CARF: variants seen among roughly 807,000 people sequenced by gnomAD.
CARF encodes the protein calcium-responsive transcription factor.
Under a neutral mutation model 82.0 loss-of-function variants are expected in CARF, and 57 were observed. The ratio of observed to expected loss-of-function variants is 0.70; its 90% confidence interval spans 0.56 to 0.87. The LOEUF (loss-of-function observed/expected upper bound fraction) is 0.87, where lower values mean the gene tolerates loss of function less well. Among genes scored for constraint, CARF ranks in the 40% least tolerant of loss-of-function variants. The pLI is 0.00. For synonymous variants in CARF, 268 were observed against 290.1 expected, an observed-to-expected ratio of 0.92 and a Z score of 0.77; for missense variants, 771 against 855.8, an observed-to-expected ratio of 0.90 and a Z score of 1.24.
At chr2:202,932,301 A>G (rs1024251357) in intron 3 of CARF, among the ~76,000 whole-genome samples, 5 of 152,164 alleles carry the variant, frequency 3.3e-5, no homozygotes, top group Admixed American at 1.3e-4. Flanking sequence ...CAAACCTGTT[A>G]TGGCACCTGA....
chr2:202,983,144 C>T (rs2060335558), intron 16 of CARF, among the ~76,000 whole-genome samples: 1 of 152,068 alleles, frequency 6.6e-6, no homozygotes, highest in Non-Finnish European at 1.5e-5. Context: ...GCCTCCCACT[C>T]CTCACGCAGT....
chr2:202,971,784 G>C (rs72928608), intron 12 of CARF, 46 bp downstream of exon 12: 161,767 of 1,459,930 alleles, frequency 0.11, 10,179 homozygotes, highest in Non-Finnish European at 0.13. Context: ...AGTTTTGTTT[G>C]TTGCTTTAAA....
chr2:202,925,235 T>C, intron 3 of CARF: 1 of 366,664 alleles, frequency 2.7e-6, no homozygotes, highest in South Asian at 2.3e-5. Flanking sequence ...AAGAAGGATA[T>C]GAATGTAGCT....
At chr2:202,915,293 G>C (rs1444618625) in intron 1 of CARF, among the ~76,000 whole-genome samples, 1 of 151,896 alleles carries the variant, frequency 6.6e-6, no homozygotes, top group Non-Finnish European at 1.5e-5. Flanking sequence ...GGGATTACAG[G>C]CGTGAGCCAC....
Position 202,942,921 on chromosome 2 carries a change from C to T in CARF, c.260C>T (p.Ala87Val), listed in dbSNP as rs762046856. 1.2e-6 allele frequency: 2 copies of T among 1,614,046 alleles called. No homozygotes were observed. The highest frequency in any genetic ancestry group is 1.6e-4 in the Middle Eastern group (1 of 6,062). Residue 87 changes from alanine (A) to valine (V), a missense_variant, in exon 5 of 17, where the codon GCT becomes GTT. Ala to Val is a moderately conservative substitution (Grantham distance 64). Transcript: ENST00000438828. ...CATCTAGTGGACCAAAATGGGCAGG[C>T]TATTCAATATGAACTTCAGTCATTG... Reference protein sequence around the residue: ...QFHLVDQNGQAIQYELQSLGE... With the variant: ...QFHLVDQNGQVIQYELQSLGE...
chr2:202,972,655 T>G lies in CARF; in HGVS notation c.1331+917T>G, dbSNP rs917419153. On this transcript the variant is annotated intron_variant, in intron 12 of 16. Coordinates refer to ENST00000438828, the MANE Select transcript of CARF (RefSeq NM_024744.17). ...TCGCGCCACTGCACTCTACCCTGGC[T>G]ACAGAGCGAGACTCCGTCTAAAAAA... Among the ~76,000 whole-genome samples the G allele has an allele frequency of 4.1e-5, 5 of 121,028 alleles. No individual in the cohort carries two copies. The Admixed American group carries it at 4.5e-4, about 11-fold the overall frequency. 79.4% of individuals were successfully genotyped at this position (121,028 alleles called of 152,430 possible).
intron 9 of CARF, 137 bp downstream of exon 9, chr2:202,961,563 A>G (rs1175393497): frequency 2.9e-6 from 2 of 701,624 alleles, no homozygotes; most frequent in South Asian, 1.9e-5. Flanking sequence ...TGCATATTAA[A>G]TTGAAAAAAC....
intron 3 of CARF, among the ~76,000 whole-genome samples, chr2:202,933,261 T>C (rs1693288967): frequency 6.6e-6 from 1 of 152,122 alleles, no homozygotes; most frequent in African/African-American, 2.4e-5. Flanking sequence ...CAGTCTTGGC[T>C]TAGCCTCAGG....
chr2:202,915,391 G>A (rs1689444908), intron 1 of CARF, among the ~76,000 whole-genome samples: 1 of 152,096 alleles, frequency 6.6e-6, no homozygotes, highest in Non-Finnish European at 1.5e-5. Flanking sequence ...TGCCTTCCAG[G>A]TTCAAGTGAT....
rs143911817 is a variant in CARF at position 202,952,035 on chromosome 2, G to A, written c.307-524G>A. Among the ~76,000 whole-genome samples, 41 of 152,164 alleles carry A rather than the reference G, an allele frequency of 2.7e-4. 1 individual carries two copies. The East Asian group carries it at 7.9e-3, about 29-fold the overall frequency. On this transcript the variant is annotated intron_variant, in intron 5 of 16. Transcript: ENST00000438828. Reference sequence around the variant, plus strand: ...TTTAGTGGAGACAGGGTTTCACCATGTTGATCAGGCTGGTCTCGAACTCCT... The same window carrying A: ...TTTAGTGGAGACAGGGTTTCACCATATTGATCAGGCTGGTCTCGAACTCCT...
rs190626296 is a variant in CARF, at chr2:202,961,115, G to A, written c.643-122G>A. 5,939 of 758,978 alleles carry A rather than the reference G, an allele frequency of 7.8e-3. 33 individuals carry two copies. Among genetic ancestry groups the A allele is most frequent in the Non-Finnish European group, 9.6e-3 (4,577 of 475,108 alleles). The allele number at this position is 758,978 out of a possible 1,614,324, so 47.0% of individuals were successfully genotyped here. On this transcript the variant is annotated intron_variant, in intron 8 of 16. Coordinates refer to ENST00000438828, the MANE Select transcript of CARF (RefSeq NM_024744.17). ...GATTGTAATAGACCATTGATCTGAGGGCACAAATGACATTCTCTTGTGAAA... is the reference window on the plus strand; with the variant it reads ...GATTGTAATAGACCATTGATCTGAGAGCACAAATGACATTCTCTTGTGAAA...
chr2:202,954,707 A>G (rs1397407680), intron 7 of CARF, among the ~76,000 whole-genome samples: 2 of 130,894 alleles, frequency 1.5e-5, no homozygotes, highest in Admixed American at 7.9e-5. Context: ...GCGAGACATC[A>G]TTTAAAAAAA....
At position 202,952,875 on chromosome 2, in the gene CARF, A is replaced by G. The variant is rs1268253602; in HGVS notation, c.427+196A>G. On this transcript the variant is annotated intron_variant, in intron 6 of 16. Coordinates refer to ENST00000438828, the MANE Select transcript of CARF (RefSeq NM_024744.17). ...AACTCCTGTCTAGGTTAGCTATTTC[A>G]TTTAAGAATTCTATGAAGCTGATTG... is the stretch of plus-strand genomic sequence containing the variant. Among the ~76,000 whole-genome samples, 3 of 152,136 alleles carry G rather than the reference A, an allele frequency of 2.0e-5. No individual in the cohort carries two copies. The East Asian group carries it at 5.8e-4, about 29-fold the overall frequency.
Position 202,970,144 on chromosome 2 carries a change from T to C in CARF, c.1097+82T>C. 2.4e-6 allele frequency: 3 copies of C among 1,237,458 alleles called. No individual in the cohort carries two copies. The Admixed American group carries it at 8.9e-5, about 37-fold the overall frequency. 76.7% of individuals were successfully genotyped at this position (1,237,458 alleles called of 1,614,324 possible). A position where few individuals can be genotyped will look rare whatever the true frequency, so the allele number is the denominator to read the frequency against. On this transcript the variant is annotated intron_variant, in intron 11 of 16. Transcript: ENST00000438828. ...ATTATTTTGTAAGGGAAATTATAGTTTTCCAACTATTTCATTAAGTAACGG... is the reference window on the plus strand; with the variant it reads ...ATTATTTTGTAAGGGAAATTATAGTCTTCCAACTATTTCATTAAGTAACGG...
At chr2:202,939,833 C>A (rs952351810) in intron 3 of CARF, among the ~76,000 whole-genome samples, 5 of 151,320 alleles carry the variant, frequency 3.3e-5, no homozygotes, top group Admixed American at 1.3e-4. Flanking sequence ...GGACTGCAGA[C>A]CCACACCACC....
intron 11 of CARF, among the ~76,000 whole-genome samples, chr2:202,971,242 C>T (rs1481082273): frequency 6.6e-6 from 1 of 151,974 alleles, no homozygotes; most frequent in Non-Finnish European, 1.5e-5. Flanking sequence ...CTGTATCTCC[C>T]TCAACTGTAG....
intron 3 of CARF, among the ~76,000 whole-genome samples, chr2:202,926,609 G>A (rs188551352): frequency 6.6e-6 from 1 of 152,094 alleles, no homozygotes; most frequent in South Asian, 2.1e-4. Context: ...ATGAATTTTA[G>A]GATCAGATTC....
intron 5 of CARF, among the ~76,000 whole-genome samples, chr2:202,949,301 T>C (rs1211002867): frequency 1.4e-5 from 2 of 147,674 alleles, no homozygotes; most frequent in Non-Finnish European, 3.0e-5. Context: ...GCCACTGCAC[T>C]CCATGCACTC....
intron 3 of CARF, among the ~76,000 whole-genome samples, chr2:202,941,472 A>G (rs976609767): frequency 1.3e-5 from 2 of 152,202 alleles, no homozygotes; most frequent in Admixed American, 6.5e-5. Context: ...TTAAAATTAT[A>G]TACTGCTACA....
Sources: allele counts gnomAD v4.1 joint callset (sites outside exome capture counted in the v4.1 genomes callset), GRCh38; gene constraint gnomAD v4.1.1; transcripts MANE v1.5; gene names NCBI Gene and HGNC (gene_info 2026-07-23, HGNC 2026-07-21).